TBC1D12: variants seen among roughly 807,000 people sequenced by gnomAD.
TBC1D12 encodes TBC1 domain family, member 12.
In TBC1D12, 56 loss-of-function variants were observed where a neutral mutation model predicts 86.7. The observed-to-expected ratio is 0.65, with a 90% CI of 0.52 to 0.81. The LOEUF is 0.81. Among genes scored for constraint, TBC1D12 ranks in the 30% least tolerant of loss-of-function variants. The pLI is 0.00. For missense variants in TBC1D12, 1,023 were observed against 1,038.8 expected (o/e 0.98, Z 0.21); for synonymous variants, 421 against 411.7 (o/e 1.02, Z -0.27).
intron 2 of TBC1D12, among the ~76,000 whole-genome samples, chr10:94,445,391 A>C (rs1213099300): frequency 6.6e-6 from 1 of 152,022 alleles, no homozygotes; most frequent in Admixed American, 6.5e-5. Flanking sequence ...GAACTTCATG[A>C]GTGGTCAGGA....
intron 1 of TBC1D12, among the ~76,000 whole-genome samples, chr10:94,423,799 A>AAAAAT (rs2055111613): frequency 6.6e-6 from 1 of 152,148 alleles, no homozygotes; most frequent in Admixed American, 6.5e-5. Flanking sequence ...CATAAACTAC[A>AAAAAT]AAAATAGCCA....
chr10:94,515,443 G>A (rs546330843), intron 9 of TBC1D12, among the ~76,000 whole-genome samples: 62 of 151,708 alleles, frequency 4.1e-4, no homozygotes, highest in African/African-American at 1.4e-3. Context: ...CACCTTCTGG[G>A]TTCAAGCAAT....
At chr10:94,437,144 T>C (rs775379951) in intron 1 of TBC1D12, among the ~76,000 whole-genome samples, 4 of 152,190 alleles carry the variant, frequency 2.6e-5, no homozygotes, top group Non-Finnish European at 5.9e-5. Flanking sequence ...CTGTTAATCT[T>C]ATTGAGGATC....
chr10:94,485,304 G>A (rs914285090), intron 3 of TBC1D12, among the ~76,000 whole-genome samples: 1 of 152,096 alleles, frequency 6.6e-6, no homozygotes, highest in Non-Finnish European at 1.5e-5. Context: ...ATGAAGGGAT[G>A]TTGAGTTTTA....
At chr10:94,434,505 A>T (rs1219830298) in intron 1 of TBC1D12, among the ~76,000 whole-genome samples, 3 of 131,424 alleles carry the variant, frequency 2.3e-5, no homozygotes, top group Admixed American at 2.3e-4. Context: ...GACTCCATTT[A>T]AAAAAAAAAA....
At chr10:94,489,817 G>T in intron 3 of TBC1D12, among the ~76,000 whole-genome samples, 1 of 152,030 alleles carries the variant, frequency 6.6e-6, no homozygotes, top group East Asian at 1.9e-4. Flanking sequence ...AGACACACAT[G>T]TTTGCCTTGG....
Position 94,464,093 on chromosome 10 carries a change from T to C in TBC1D12, c.1096-10575T>C, listed in dbSNP as rs148999255. ...TAGAGCTTGTTTCCAGTTAATATTTTGCAGACATTTCTGTTTTCATCCTTT... is the reference window on the plus strand; with the variant it reads ...TAGAGCTTGTTTCCAGTTAATATTTCGCAGACATTTCTGTTTTCATCCTTT... On this transcript the variant is annotated intron_variant, in intron 2 of 12. Transcript: ENST00000225235. Among the ~76,000 whole-genome samples, 785 of 152,318 alleles carry C rather than the reference T, an allele frequency of 5.2e-3. 13 individuals are homozygous for C. Among genetic ancestry groups the C allele is most frequent in the African/African-American group, 0.017 (722 of 41,566 alleles).
At chr10:94,418,666 G>A (rs2055032526) in intron 1 of TBC1D12, among the ~76,000 whole-genome samples, 2 of 151,814 alleles carry the variant, frequency 1.3e-5, no homozygotes, top group Non-Finnish European at 2.9e-5. Flanking sequence ...CTGCCTCCCG[G>A]GTTCAAGTGA....
At chr10:94,530,949 T>A (rs1359049163) in intron 11 of TBC1D12, among the ~76,000 whole-genome samples, 1 of 140,454 alleles carries the variant, frequency 7.1e-6, no homozygotes, top group African/African-American at 2.6e-5. Context: ...AACCTCCGCC[T>A]CCTGGGTTCG....
chr10:94,529,216 C>T (rs1277998004), intron 11 of TBC1D12, among the ~76,000 whole-genome samples: 2 of 152,142 alleles, frequency 1.3e-5, no homozygotes, highest in African/African-American at 4.8e-5. Context: ...CTATGTTGCC[C>T]AGGCTGGCCT....
At chr10:94,418,910 T>C (rs2055037905) in intron 1 of TBC1D12, among the ~76,000 whole-genome samples, 1 of 151,372 alleles carries the variant, frequency 6.6e-6, no homozygotes, top group African/African-American at 2.4e-5. Context: ...AGTCTCGCTC[T>C]GTTGCCCAGA....
At chr10:94,476,304 C>T (rs909578204) in intron 3 of TBC1D12, among the ~76,000 whole-genome samples, 1 of 152,110 alleles carries the variant, frequency 6.6e-6, no homozygotes, top group Admixed American at 6.5e-5. Flanking sequence ...GTACATTATT[C>T]TTTTATTCTG....
intron 2 of TBC1D12, among the ~76,000 whole-genome samples, chr10:94,470,348 A>G (rs934680875): frequency 1.3e-5 from 2 of 152,090 alleles, no homozygotes; most frequent in African/African-American, 4.8e-5. Context: ...TTTTGAAAGT[A>G]CTAGTGTTAA....
intron 10 of TBC1D12, 25 bp downstream of exon 10, chr10:94,522,108 T>G: frequency 6.2e-7 from 1 of 1,601,160 alleles, no homozygotes; most frequent in Non-Finnish European, 8.5e-7. Context: ...TGTTTTCCAT[T>G]GTTTCTGTAG....
intron 9 of TBC1D12, among the ~76,000 whole-genome samples, chr10:94,518,190 G>C (rs944424720): frequency 4.6e-5 from 7 of 152,018 alleles, no homozygotes; most frequent in Admixed American, 1.3e-4. Flanking sequence ...TCTCCCTCAA[G>C]GACTATGCAT....
At chr10:94,532,785 A>T (rs941997103) in intron 12 of TBC1D12, among the ~76,000 whole-genome samples, 5 of 152,168 alleles carry the variant, frequency 3.3e-5, no homozygotes, top group Admixed American at 1.3e-4. Context: ...TCACAGTCTT[A>T]TTGGTTCAGA....
chr10:94,411,120 G>T (rs1016702493), intron 1 of TBC1D12, among the ~76,000 whole-genome samples: 6 of 152,078 alleles, frequency 3.9e-5, no homozygotes, highest in African/African-American at 9.7e-5. Context: ...TTTAGCAAAG[G>T]TCTAACTCTG....
At chr10:94,455,503 GA>G (rs1235799607) in intron 2 of TBC1D12, among the ~76,000 whole-genome samples, 3 of 152,162 alleles carry the variant, frequency 2.0e-5, no homozygotes, top group African/African-American at 7.2e-5. Flanking sequence ...ATTCATCAGT[GA>G]ACCCATCTGG....
At chr10:94,483,039 CTT>C (rs71031579) in intron 3 of TBC1D12, among the ~76,000 whole-genome samples, 12 of 124,596 alleles carry the variant, frequency 9.6e-5, no homozygotes, top group Admixed American at 1.7e-4. Context: ...TATTCTTCTT[CTT>C]TTTTTTTTTT....
Sources: allele counts gnomAD v4.1 joint callset (sites outside exome capture counted in the v4.1 genomes callset), GRCh38; gene constraint gnomAD v4.1.1; transcripts MANE v1.5; gene names NCBI Gene and HGNC (gene_info 2026-07-23, HGNC 2026-07-21).